Variants in BZW2 observed in about 807,000 individuals in gnomAD.
BZW2 encodes the protein eIF5-mimic protein 1.
BZW2 carries 23 observed loss-of-function variants against 53.2 expected under a neutral mutation model. The ratio of observed to expected loss-of-function variants is 0.43; its 90% CI spans 0.31 to 0.61. BZW2 has a LOEUF of 0.61. BZW2 is among the 20% of genes least tolerant of loss of function. BZW2 has a pLI of 0.09. For synonymous variants in BZW2, 227 were observed against 186.4 expected (o/e 1.22, Z -1.77); for missense variants, 409 against 503.1 (o/e 0.81, Z 1.79).
intron 11 of BZW2, 134 bp from the exon 12 acceptor site, chr7:16,705,926 T>C (rs1783840061): frequency 1.0e-6 from 1 of 980,912 alleles, no homozygotes; most frequent in Admixed American, 2.3e-5. Flanking sequence ...TGTGACTATT[T>C]TACCTTATAA....
At chr7:16,694,544 G>C (rs774610915) in intron 7 of BZW2, among the ~76,000 whole-genome samples, 4 of 152,106 alleles carry the variant, frequency 2.6e-5, no homozygotes, top group African/African-American at 4.8e-5. Context: ...CATGAGGGCA[G>C]AGCCCTTATA....
At chr7:16,700,240 G>A (rs1783624564) in intron 10 of BZW2, among the ~76,000 whole-genome samples, 1 of 152,166 alleles carries the variant, frequency 6.6e-6, no homozygotes, top group African/African-American at 2.4e-5. Context: ...TAAGTGAAAT[G>A]ATTCCATGTT....
At position 16,686,451 on chromosome 7, in the gene BZW2, T is replaced by G. The variant is rs1004556813; in HGVS notation, c.541+411T>G. ...TCTAGAGAAACTGATGCTCAGATAT[T>G]CATTTTGATTGCACTTTTTAAGATA... On this transcript the variant is annotated intron_variant, in intron 6 of 11. Coordinates refer to ENST00000258761, the MANE Select transcript of BZW2 (RefSeq NM_014038.3). 1.8e-4 allele frequency: 31 copies of G among 168,104 alleles called. 1 individual carries two copies. The highest frequency in any genetic ancestry group is 1.2e-3 in the Admixed American group (21 of 17,468). 10.4% of individuals were successfully genotyped at this position (168,104 alleles called of 1,614,324 possible). A position where few individuals can be genotyped will look rare whatever the true frequency, so the allele number is the denominator to read the frequency against.
chr7:16,666,280 T>G (rs1238357333), intron 2 of BZW2, among the ~76,000 whole-genome samples: 1 of 151,788 alleles, frequency 6.6e-6, no homozygotes, highest in Non-Finnish European at 1.5e-5. Flanking sequence ...AAAATTTTTT[T>G]GTAGAGACAG....
intron 2 of BZW2, among the ~76,000 whole-genome samples, chr7:16,672,935 T>G (rs1782649964): frequency 6.6e-6 from 1 of 150,804 alleles, no homozygotes; most frequent in South Asian, 2.1e-4. Flanking sequence ...TTGCTCTGTG[T>G]TTGTCTTATC....
At chr7:16,660,834 A>G (rs921968257) in intron 1 of BZW2, among the ~76,000 whole-genome samples, 11 of 152,142 alleles carry the variant, frequency 7.2e-5, no homozygotes, top group Non-Finnish European at 1.2e-4. Context: ...GCGCTAGAAT[A>G]GGAGTTCACA....
chr7:16,705,080 G>C (rs1486012632), intron 11 of BZW2, among the ~76,000 whole-genome samples: 1 of 152,208 alleles, frequency 6.6e-6, no homozygotes, highest in Non-Finnish European at 1.5e-5. Flanking sequence ...ATTCAGGCCA[G>C]GTGTGGTGGC....
At position 16,682,345 on chromosome 7, in the gene BZW2, A is replaced by T. The variant is rs542104486; in HGVS notation, c.340-435A>T. ...AGTCATCCTTTATTGCCAGTAAATTATAACACGTTTTGCTCATCTGCTAGA... is the reference window on the plus strand; with the variant it reads ...AGTCATCCTTTATTGCCAGTAAATTTTAACACGTTTTGCTCATCTGCTAGA... On this transcript the variant is annotated intron_variant, in intron 4 of 11. Coordinates refer to ENST00000258761, the MANE Select transcript of BZW2 (RefSeq NM_014038.3). Among the ~76,000 whole-genome samples the T allele has an allele frequency of 2.6e-5, 4 of 152,332 alleles. No individual in the cohort carries two copies. The South Asian group carries it at 6.2e-4, about 24-fold the overall frequency.
intron 3 of BZW2, among the ~76,000 whole-genome samples, chr7:16,676,174 C>T (rs2128359384): frequency 1.3e-5 from 2 of 152,290 alleles, no homozygotes; most frequent in Non-Finnish European, 2.9e-5. Context: ...TGTATTTATT[C>T]AGCAATATGT....
intron 7 of BZW2, among the ~76,000 whole-genome samples, chr7:16,693,099 G>A (rs1308572105): frequency 6.6e-6 from 1 of 152,182 alleles, no homozygotes; most frequent in Non-Finnish European, 1.5e-5. Flanking sequence ...GAAATTCTCT[G>A]CAGAATGGTG....
At chr7:16,696,145 A>C (rs1783480385) in intron 8 of BZW2, 1 of 152,190 alleles carries the variant, frequency 6.6e-6, no homozygotes, top group Non-Finnish European at 1.5e-5. Context: ...GGGAGGGAAA[A>C]AAAAGGTGTT....
In BZW2 at chr7:16,674,596, A is replaced by G. The variant is rs776652258; in HGVS notation, c.235+8A>G. The G allele has an allele frequency of 1.9e-6, 3 of 1,565,406 alleles. No homozygotes were observed. In the East Asian group the frequency reaches 6.8e-5, roughly 35 times the overall value. Reference sequence around the variant, plus strand: ...TGGCTGGCAGTATGCTTGGTAAACCATGCATTATCGCTTCTTGTAGTATAT... The same window carrying G: ...TGGCTGGCAGTATGCTTGGTAAACCGTGCATTATCGCTTCTTGTAGTATAT... On this transcript the variant is annotated splice_region_variant and intron_variant, in intron 3 of 11. Transcript: ENST00000258761.
rs139960449 is a variant in BZW2 at position 16,678,830 on chromosome 7, A to G, written c.236-2471A>G. Among the ~76,000 whole-genome samples, 1,175 of 152,132 alleles carry G rather than the reference A, an allele frequency of 7.7e-3. 15 individuals carry two copies. The highest frequency in any genetic ancestry group is 8.7e-3 in the Non-Finnish European group (593 of 67,986). On this transcript the variant is annotated intron_variant, in intron 3 of 11. Transcript: ENST00000258761. ...TTACAGCTGGGTCTCGGGGGGTGAC[A>G]TCACGTGTCGGCCTGAGCTGCAAAA...
intron 2 of BZW2, among the ~76,000 whole-genome samples, chr7:16,674,187 A>G (rs1782695953): frequency 6.6e-6 from 1 of 152,236 alleles, no homozygotes; most frequent in Non-Finnish European, 1.5e-5. Flanking sequence ...GGCGTGAGCC[A>G]CCGCGCCCGG....
At chr7:16,703,192 A>C (rs557237753) in intron 10 of BZW2, among the ~76,000 whole-genome samples, 1 of 152,298 alleles carries the variant, frequency 6.6e-6, no homozygotes, top group African/African-American at 2.4e-5. Flanking sequence ...GCTAAGAATA[A>C]GTCTACAGGA....
intron 2 of BZW2, among the ~76,000 whole-genome samples, chr7:16,667,860 C>G (rs1782478324): frequency 6.6e-6 from 1 of 152,190 alleles, no homozygotes; most frequent in Admixed American, 6.5e-5. Context: ...TAGTCCTCAT[C>G]TTACTCTTAC....
intron 7 of BZW2, among the ~76,000 whole-genome samples, chr7:16,693,389 G>A (rs558785282): frequency 2.6e-5 from 4 of 152,236 alleles, no homozygotes; most frequent in East Asian, 3.9e-4. Flanking sequence ...AGTGAACTAC[G>A]AGTGATATGT....
chr7:16,673,552 T>C (rs1474461117), intron 2 of BZW2, among the ~76,000 whole-genome samples: 1 of 152,144 alleles, frequency 6.6e-6, no homozygotes, highest in East Asian at 1.9e-4. Context: ...ATAAATACTA[T>C]AAAATGTTTT....
chr7:16,656,150 T>TATACACAC (rs143994492), intron 1 of BZW2, among the ~76,000 whole-genome samples: 18 of 150,258 alleles, frequency 1.2e-4, no homozygotes, highest in African/African-American at 4.5e-4. Context: ...TATATATATA[T>TATACACAC]ACATAAATAT....
Sources: allele counts gnomAD v4.1 joint callset (sites outside exome capture counted in the v4.1 genomes callset), GRCh38; gene constraint gnomAD v4.1.1; transcripts MANE v1.5; gene names NCBI Gene and HGNC (gene_info 2026-07-23, HGNC 2026-07-21).